Variants in ZNF536 observed in about 807,000 individuals in gnomAD.
ZNF536 encodes the protein zinc finger protein 536.
Under a neutral mutation model 84.5 loss-of-function variants are expected in ZNF536, and 13 were observed. The observed-to-expected ratio is 0.15, with a 90% confidence interval of 0.10 to 0.24. ZNF536 has a LOEUF of 0.24. ZNF536 is among the 10% of genes least tolerant of loss of function. ZNF536 has a pLI of 1.00. For synonymous variants in ZNF536, 811 were observed against 742.5 expected (o/e 1.09, Z -1.50); for missense variants, 1,536 against 1,747.5 (o/e 0.88, Z 2.16).
At chr19:30,672,329 T>C (rs539036625) in intron 1 of ZNF536, among the ~76,000 whole-genome samples, 42 of 152,366 alleles carry the variant, frequency 2.8e-4, no homozygotes, top group South Asian at 6.2e-4. Context: ...GGTGTGTTTC[T>C]GGCATTCCCA....
intron 1 of ZNF536, among the ~76,000 whole-genome samples, chr19:30,654,068 C>T (rs1433919427): frequency 6.6e-6 from 1 of 152,142 alleles, no homozygotes; most frequent in Non-Finnish European, 1.5e-5. Context: ...GGGTGCAATT[C>T]CCAGCTAATT....
At chr19:30,234,257 T>A (rs1362533937) in intron 1 of ZNF536, among the ~76,000 whole-genome samples, 1 of 152,184 alleles carries the variant, frequency 6.6e-6, no homozygotes, top group East Asian at 1.9e-4. Flanking sequence ...CAGTTGGGTC[T>A]TTGATTACCT....
chr19:30,442,961 T>C (rs139491045), intron 1 of ZNF536, among the ~76,000 whole-genome samples: 145 of 152,278 alleles, frequency 9.5e-4, no homozygotes, highest in African/African-American at 3.3e-3. Flanking sequence ...CTAAAGCCTG[T>C]CCTTTACTTT....
At chr19:30,515,609 C>G (rs988563951) in intron 2 of ZNF536, among the ~76,000 whole-genome samples, 6 of 152,100 alleles carry the variant, frequency 3.9e-5, no homozygotes, top group African/African-American at 1.4e-4. Context: ...AACACAGGGG[C>G]TTTCTCGGTC....
At chr19:30,617,366 T>TATTTTTTTTA (rs2048339246) in intron 1 of ZNF536, among the ~76,000 whole-genome samples, 1 of 115,916 alleles carries the variant, frequency 8.6e-6, no homozygotes, top group Non-Finnish European at 1.8e-5. Context: ...TTTTTTTTTT[T>TATTTTTTTTA]ATGAGATGGA....
chr19:30,302,478 C>T (rs537087627), intron 2 of ZNF536, among the ~76,000 whole-genome samples: 38 of 152,242 alleles, frequency 2.5e-4, no homozygotes, highest in Admixed American at 8.5e-4. Flanking sequence ...AGGATTTGCA[C>T]GAAGACCCGG....
intron 2 of ZNF536, among the ~76,000 whole-genome samples, chr19:30,475,217 A>AT (rs1221083701): frequency 2.6e-5 from 4 of 152,148 alleles, no homozygotes; most frequent in African/African-American, 9.7e-5. Context: ...AGTAGCTGGG[A>AT]TTACAGGCAT....
In ZNF536 at chr19:30,427,992, G is replaced by A. The variant is rs536352694; in HGVS notation, c.-2-15569G>A. On this transcript the variant is annotated intron_variant, in intron 1 of 4. Coordinates refer to ENST00000355537, the MANE Select transcript of ZNF536 (RefSeq NM_014717.3). ...TTAGGAGTGACATTTTTGTGGTCAC[G>A]AGCCAAATTTTGTTGCTTTTGTGAA... Among the ~76,000 whole-genome samples the A allele has an allele frequency of 3.9e-5, 6 of 152,306 alleles. No homozygotes were observed. In the South Asian group the frequency reaches 1.0e-3, roughly 26 times the overall value.
Position 30,445,826 on chromosome 19 carries a change from G to T in ZNF536, c.2170+94G>T. ...TCCCAGGCCTCCAGTCAGTTCCAAG[G>T]CCAGTGGGTCTTGATTGAGGACAGG... On this transcript the variant is annotated intron_variant, in intron 2 of 4. Coordinates refer to ENST00000355537, the MANE Select transcript of ZNF536 (RefSeq NM_014717.3). This position sits in a 1 kb window ranked among gnomAD's most constrained non-coding sequence, Gnocchi z 4.5. 6.8e-7 allele frequency: 1 copy of T among 1,465,084 alleles called. No individual in the cohort carries two copies. The highest frequency in any genetic ancestry group is 9.1e-7 in the Non-Finnish European group (1 of 1,102,294). 90.8% of individuals were successfully genotyped at this position (1,465,084 alleles called of 1,614,324 possible). A position where few individuals can be genotyped will look rare whatever the true frequency, so the allele number is the denominator to read the frequency against.
chr19:30,554,714 A>G (rs2045907088), intron 4 of ZNF536: 1 of 152,230 alleles, frequency 6.6e-6, no homozygotes, highest in Non-Finnish European at 1.5e-5. Flanking sequence ...CATAGACAAT[A>G]GGAAAATGAT....
intron 2 of ZNF536, among the ~76,000 whole-genome samples, chr19:30,466,096 G>A (rs2053378990): frequency 6.6e-6 from 1 of 151,968 alleles, no homozygotes; most frequent in South Asian, 2.1e-4. Flanking sequence ...GGCACCTATG[G>A]TCTCAGCTAC....
intron 1 of ZNF536, among the ~76,000 whole-genome samples, chr19:30,566,983 G>T (rs1299865452): frequency 6.6e-6 from 1 of 151,490 alleles, no homozygotes; most frequent in Admixed American, 6.6e-5. Context: ...CCTGTGTGTG[G>T]CCTCTCTGGG....
intron 3 of ZNF536, among the ~76,000 whole-genome samples, chr19:30,360,861 C>T (rs540396423): frequency 2.6e-5 from 4 of 152,220 alleles, no homozygotes; most frequent in African/African-American, 4.8e-5. Flanking sequence ...AGCTTATTAG[C>T]GACAAAGGAC....
chr19:30,548,342 T>C lies in ZNF536; in HGVS notation c.2723T>C (p.Val908Ala). ...SEIGRAYQSI[V>A]SNGVNFQGSL... ...ATCGGAAGAGCTTATCAAAGCATTGTGAGCAACGGTGTGAATTTCCAAGGG... is the reference window on the plus strand; with the variant it reads ...ATCGGAAGAGCTTATCAAAGCATTGCGAGCAACGGTGTGAATTTCCAAGGG... The change falls in exon 4 of 5, where the codon GTG becomes GCG. Residue 908 changes from valine (V) to alanine (A), a missense_variant. By Grantham distance (64) the Val-to-Ala change is moderately conservative. Around this residue, in one of 8 missense-constraint regions of ZNF536, gnomAD observed 624 missense variants for 603.1 expected, o/e 1.03. Transcript: ENST00000355537. The C allele has an allele frequency of 6.2e-7, 1 of 1,614,018 alleles. No individual in the cohort carries two copies. Among genetic ancestry groups the C allele is most frequent in the Non-Finnish European group, 8.5e-7 (1 of 1,179,972 alleles).
chr19:30,416,400 T>C (rs1484429201), intron 1 of ZNF536, among the ~76,000 whole-genome samples: 1 of 151,556 alleles, frequency 6.6e-6, no homozygotes, highest in Non-Finnish European at 1.5e-5. Flanking sequence ...AAAAGAGGAG[T>C]AGTGGCTTAG....
intron 1 of ZNF536, among the ~76,000 whole-genome samples, chr19:30,229,700 G>C (rs887187357): frequency 2.6e-5 from 4 of 152,230 alleles, no homozygotes; most frequent in Non-Finnish European, 5.9e-5. Context: ...TCTGATAGCG[G>C]AGTGCAAATG....
chr19:30,303,906 C>A (rs1022781618), intron 2 of ZNF536, among the ~76,000 whole-genome samples: 2 of 152,152 alleles, frequency 1.3e-5, no homozygotes, highest in Non-Finnish European at 2.9e-5. Context: ...CTGGGTGTGT[C>A]CTTCGTCACT....
At chr19:30,449,815 A>G (rs1308234346) in intron 2 of ZNF536, among the ~76,000 whole-genome samples, 2 of 152,222 alleles carry the variant, frequency 1.3e-5, no homozygotes, top group Non-Finnish European at 2.9e-5. Flanking sequence ...TTAGAGCTGC[A>G]TTCCTGAAAT....
At chr19:30,236,006 C>T (rs997438890) in intron 1 of ZNF536, among the ~76,000 whole-genome samples, 4 of 152,234 alleles carry the variant, frequency 2.6e-5, no homozygotes, top group Admixed American at 6.5e-5. Context: ...TATTCCCCAA[C>T]GTTTCCACCC....
Sources: allele counts gnomAD v4.1 joint callset (sites outside exome capture counted in the v4.1 genomes callset), GRCh38; gene constraint gnomAD v4.1.1; regional missense constraint gnomAD v4.1.1; non-coding constraint Gnocchi (gnomAD v3.1); transcripts MANE v1.5; gene names NCBI Gene and HGNC (gene_info 2026-07-23, HGNC 2026-07-21).